The following FSTL4 variants were observed in gnomAD, a reference collection of about 807,000 sequenced individuals.
FSTL4 encodes the protein follistatin-related protein 4.
Under a neutral mutation model 78.2 loss-of-function variants are expected in FSTL4, and 28 were observed. That is an observed-to-expected ratio of 0.36 (90% CI 0.27 to 0.49). The LOEUF is 0.49. Among genes scored for constraint, FSTL4 ranks in the 20% least tolerant of loss-of-function variants. FSTL4 has a pLI of 0.98. For synonymous variants in FSTL4, 422 were observed against 440.5 expected (o/e 0.96, Z 0.53); for missense variants, 922 against 1,084.9 (o/e 0.85, Z 2.11).
At chr5:133,554,842 G>A (rs142843574) in intron 3 of FSTL4, among the ~76,000 whole-genome samples, 70 of 152,248 alleles carry the variant, frequency 4.6e-4, no homozygotes, top group African/African-American at 1.6e-3. Flanking sequence ...TCTGCGATGC[G>A]GTACGAGAAT....
At chr5:133,651,677 C>T in the FSTL4 span, among the ~76,000 whole-genome samples, 33,005 of 151,604 alleles carry the variant, frequency 0.22, 3,825 homozygotes, top group Admixed American at 0.29. Flanking sequence ...GCTCTGTCGC[C>T]TGATTTGCTT....
At chr5:133,493,824 A>G (rs1758318232) in intron 3 of FSTL4, among the ~76,000 whole-genome samples, 1 of 152,162 alleles carries the variant, frequency 6.6e-6, no homozygotes, top group African/African-American at 2.4e-5. Context: ...TATTTTCTAT[A>G]TGTTTGGATT....
chr5:133,384,871 A>G (rs888414621), intron 4 of FSTL4, among the ~76,000 whole-genome samples: 3 of 152,106 alleles, frequency 2.0e-5, no homozygotes, highest in Non-Finnish European at 4.4e-5. Context: ...CCTAAACTCT[A>G]TATTTGGAGA....
intron 4 of FSTL4, among the ~76,000 whole-genome samples, chr5:133,381,342 C>A (rs1026209859): frequency 6.6e-6 from 1 of 152,132 alleles, no homozygotes. Flanking sequence ...TATGACTATA[C>A]CCCATATGAA....
In FSTL4 at chr5:133,612,120, C is replaced by T. The variant is rs1366257287; in HGVS notation, c.-11+205G>A. On this transcript the variant is annotated intron_variant, in intron 1 of 15. Coordinates refer to ENST00000265342, the MANE Select transcript of FSTL4 (RefSeq NM_015082.2). This position sits in a 1 kb window ranked among gnomAD's most constrained non-coding sequence, Gnocchi z 6.2. ...CCTTGGCCGGGGTAGCCCTGCCGAG[C>T]CCTGGCCCAGCGGTCCCTTCCCCGC... 6.6e-6 allele frequency among the ~76,000 whole-genome samples: 1 copy of T among 152,032 alleles called. No individual in the cohort carries two copies. The highest frequency in any genetic ancestry group is 1.5e-5 in the Non-Finnish European group (1 of 67,974).
chr5:133,444,306 C>T (rs1238678210), intron 3 of FSTL4, among the ~76,000 whole-genome samples: 1 of 152,186 alleles, frequency 6.6e-6, no homozygotes, highest in Non-Finnish European at 1.5e-5. Context: ...AAGCACTGAG[C>T]ACAGTTGGGC....
At chr5:133,471,511 C>A (rs1455225001) in intron 3 of FSTL4, among the ~76,000 whole-genome samples, 1 of 152,180 alleles carries the variant, frequency 6.6e-6, no homozygotes, top group Non-Finnish European at 1.5e-5. Context: ...CCCAGAGAGG[C>A]CTCTGCCCCT....
At chr5:133,777,615 C>T in the FSTL4 span, among the ~76,000 whole-genome samples, 146,539 of 152,338 alleles carry the variant, frequency 0.96, 70,522 homozygotes, top group East Asian at 1. Context: ...CAGAGAGAAA[C>T]AAAGTTAATA....
At chr5:133,461,269 T>C (rs1018427906) in intron 3 of FSTL4, among the ~76,000 whole-genome samples, 2 of 152,164 alleles carry the variant, frequency 1.3e-5, no homozygotes, top group African/African-American at 4.8e-5. Flanking sequence ...CGACACAATA[T>C]TGGGGCCTCC....
At chr5:133,241,152 T>C (rs1751861463) in intron 7 of FSTL4, among the ~76,000 whole-genome samples, 1 of 152,266 alleles carries the variant, frequency 6.6e-6, no homozygotes. Context: ...TTTAGAGCCC[T>C]CCTGGGCTCT....
At chr5:133,573,210 C>T (rs2112950133) in intron 2 of FSTL4, among the ~76,000 whole-genome samples, 1 of 151,494 alleles carries the variant, frequency 6.6e-6, no homozygotes, top group East Asian at 1.9e-4. Context: ...CGCCACTGCA[C>T]TCCAGCCTGG....
the FSTL4 span, among the ~76,000 whole-genome samples, chr5:133,746,066 T>C: frequency 6.6e-6 from 1 of 152,220 alleles, no homozygotes; most frequent in Non-Finnish European, 1.5e-5. Context: ...CAAAACAAGT[T>C]TTTTAACGCC....
chr5:133,704,952 C>T, the FSTL4 span, among the ~76,000 whole-genome samples: 1 of 152,254 alleles, frequency 6.6e-6, no homozygotes, highest in Non-Finnish European at 1.5e-5. Context: ...ATTATAACTG[C>T]AGGTGACAAG....
At chr5:133,841,452 G>T in the FSTL4 span, among the ~76,000 whole-genome samples, 1 of 152,204 alleles carries the variant, frequency 6.6e-6, no homozygotes. Context: ...CCACCAGGAG[G>T]TTCCTCTGAG....
Position 133,518,626 on chromosome 5 carries a change from T to C in FSTL4, c.160+48560A>G, listed in dbSNP as rs1758910583. Among the ~76,000 whole-genome samples the C allele has an allele frequency of 2.0e-5, 3 of 152,296 alleles. 1 individual carries two copies. The South Asian group carries it at 6.2e-4, about 32-fold the overall frequency. ...ATTCTGCTCTACACTCCAACAATTT[T>C]ACTACTAGACTCTATGTTAAGGACA... On this transcript the variant is annotated intron_variant, in intron 3 of 15. Transcript: ENST00000265342.
chr5:133,484,255 G>A (rs1758087127), intron 3 of FSTL4, among the ~76,000 whole-genome samples: 1 of 152,212 alleles, frequency 6.6e-6, no homozygotes, highest in Admixed American at 6.5e-5. Context: ...ACATTGAAAT[G>A]GAGGAAGAAA....
At chr5:133,254,363 T>G (rs1157129546) in intron 6 of FSTL4, among the ~76,000 whole-genome samples, 1 of 152,236 alleles carries the variant, frequency 6.6e-6, no homozygotes. Context: ...ATTGGCCACA[T>G]ACAGCTCCTG....
chr5:133,314,231 C>T (rs539328274), intron 5 of FSTL4, among the ~76,000 whole-genome samples: 1 of 152,320 alleles, frequency 6.6e-6, no homozygotes, highest in African/African-American at 2.4e-5. Context: ...GGGATTTTCC[C>T]AGAGCAGCCT....
At chr5:133,829,277 G>A in the FSTL4 span, among the ~76,000 whole-genome samples, 5 of 152,232 alleles carry the variant, frequency 3.3e-5, no homozygotes, top group South Asian at 8.3e-4. Flanking sequence ...TGTGCCTGTA[G>A]TCCCAGCTAC....
Sources: allele counts gnomAD v4.1 joint callset (sites outside exome capture counted in the v4.1 genomes callset), GRCh38; gene constraint gnomAD v4.1.1; non-coding constraint Gnocchi (gnomAD v3.1); transcripts MANE v1.5; gene names NCBI Gene and HGNC (gene_info 2026-07-23, HGNC 2026-07-21).